The following PIEZO2 variants were observed in gnomAD, a reference collection of about 807,000 sequenced individuals.
The protein encoded by PIEZO2 is piezo-type mechanosensitive ion channel component 2.
A neutral mutation model predicts 337.3 loss-of-function variants in PIEZO2; 172 were observed. That is an observed-to-expected ratio of 0.51 (90% confidence interval 0.45 to 0.58). The LOEUF is 0.58. PIEZO2 is among the 20% of genes least tolerant of loss of function. The pLI is 0.00. For synonymous variants in PIEZO2, 1,251 were observed against 1,228.5 expected, an observed-to-expected ratio of 1.02 and a Z score of -0.38; for missense variants, 3,028 against 3,391.3, an observed-to-expected ratio of 0.89 and a Z score of 2.66.
rs1000590616 is a variant in PIEZO2 at position 11,069,733 on chromosome 18, C to A, written c.65-3511G>T. Among the ~76,000 whole-genome samples the A allele has an allele frequency of 6.6e-6, 1 of 152,122 alleles. No homozygotes were observed. Among genetic ancestry groups the A allele is most frequent in the African/African-American group, 2.4e-5 (1 of 41,442 alleles). Reference sequence around the variant, plus strand: ...CAAAATTGGAAAGGAAGAGGCAAAGCAAATTTGTGTTTGCAGATGACATGA... The same window carrying A: ...CAAAATTGGAAAGGAAGAGGCAAAGAAAATTTGTGTTTGCAGATGACATGA... On this transcript the variant is annotated intron_variant, in intron 1 of 55. Transcript: ENST00000674853. This position sits in a 1 kb window ranked among gnomAD's most constrained non-coding sequence, Gnocchi z 4.9.
chr18:11,083,359 G>A lies in PIEZO2; in HGVS notation c.65-17137C>T, dbSNP rs920646975. On this transcript the variant is annotated intron_variant, in intron 1 of 55. Coordinates refer to ENST00000674853, the MANE Select transcript of PIEZO2 (RefSeq NM_001378183.1). The surrounding 1 kb of genome is among the most constrained non-coding windows in gnomAD (Gnocchi z 4.4). Reference sequence around the variant, plus strand: ...CAGGATCAGAATTTCTCTCAGAAGAGGAACTATATTTGTTTGGATGTTTTC... The same window carrying A: ...CAGGATCAGAATTTCTCTCAGAAGAAGAACTATATTTGTTTGGATGTTTTC... Among the ~76,000 whole-genome samples the A allele has an allele frequency of 5.3e-5, 8 of 152,236 alleles. No individual in the cohort carries two copies. The highest frequency in any genetic ancestry group is 2.6e-4 in the Admixed American group (4 of 15,288).
chr18:11,119,693 C>T (rs562240348), intron 1 of PIEZO2, among the ~76,000 whole-genome samples: 15 of 152,306 alleles, frequency 9.8e-5, no homozygotes, highest in African/African-American at 3.6e-4. Flanking sequence ...CTCCATGAAG[C>T]TGAGTGTAGC....
In PIEZO2 at chr18:11,134,895, A is replaced by C. The variant is rs541351733; in HGVS notation, c.64+13630T>G. On this transcript the variant is annotated intron_variant, in intron 1 of 55. Transcript: ENST00000674853. Reference sequence around the variant, plus strand: ...AGAACAAAGCATGATTTGGTGAAGAATGGAGAATCAAAAATCAGTGCCCAA... The same window carrying C: ...AGAACAAAGCATGATTTGGTGAAGACTGGAGAATCAAAAATCAGTGCCCAA... Among the ~76,000 whole-genome samples the C allele has an allele frequency of 2.0e-5, 3 of 152,342 alleles. No individual in the cohort carries two copies. In the East Asian group the frequency reaches 5.8e-4, roughly 29 times the overall value.
chr18:10,886,090 AACAC>A (rs373741484), intron 4 of PIEZO2, among the ~76,000 whole-genome samples: 1 of 150,574 alleles, frequency 6.6e-6, no homozygotes, highest in African/African-American at 2.4e-5. Flanking sequence ...CAAAATCACT[AACAC>A]ACACACACAC....
At chr18:10,728,971 AAAAC>A (rs1440893465) in intron 36 of PIEZO2, among the ~76,000 whole-genome samples, 2 of 148,292 alleles carry the variant, frequency 1.3e-5, no homozygotes, top group African/African-American at 5.0e-5. Context: ...AAAAAAAAAA[AAAAC>A]AAAAACCAAT....
intron 33 of PIEZO2, chr18:10,740,372 C>T (rs1283644702): frequency 6.6e-6 from 1 of 152,328 alleles, no homozygotes; most frequent in Non-Finnish European, 1.5e-5. Flanking sequence ...CTCTGAGCAT[C>T]AGGTGGCTTG....
At chr18:10,801,573 A>G in intron 9 of PIEZO2, 145 bp from the exon 10 acceptor site, 1 of 710,182 alleles carries the variant, frequency 1.4e-6, no homozygotes, top group Non-Finnish European at 2.3e-6. Flanking sequence ...TGCAAAATAT[A>G]AAAGGACAAA....
At position 10,876,268 on chromosome 18, in the gene PIEZO2, G is replaced by A. The variant is rs532887232; in HGVS notation, c.330-4853C>T. Among the ~76,000 whole-genome samples, 111 of 152,316 alleles carry A rather than the reference G, an allele frequency of 7.3e-4. 1 individual carries two copies. The highest frequency in any genetic ancestry group is 2.5e-3 in the African/African-American group (106 of 41,570). ...CCAGTCAATGTGAGAAACTCACAAT[G>A]CATACTATTATACTAAAAGACTTGA... On this transcript the variant is annotated intron_variant, in intron 4 of 55. Transcript: ENST00000674853.
intron 36 of PIEZO2, among the ~76,000 whole-genome samples, chr18:10,729,008 G>A (rs560613205): frequency 6.6e-5 from 10 of 150,666 alleles, no homozygotes; most frequent in Admixed American, 5.3e-4. Context: ...CTGCATACGT[G>A]TGTGCACATG....
chr18:10,792,412 AG>A (rs1568063089), intron 13 of PIEZO2, among the ~76,000 whole-genome samples: 2 of 152,232 alleles, frequency 1.3e-5, no homozygotes. Flanking sequence ...CTGTGTAAGA[AG>A]CCCCACGACA....
intron 41 of PIEZO2, 93 bp from the exon 42 acceptor site, chr18:10,704,745 C>G (rs1329738651): frequency 2.1e-6 from 3 of 1,418,680 alleles, no homozygotes; most frequent in Non-Finnish European, 2.8e-6. Flanking sequence ...AGTGCAATGG[C>G]GTGATCTTGG....
rs1427404210 is a variant in PIEZO2 at position 11,027,642 on chromosome 18, C to T, written c.160+38485G>A. On this transcript the variant is annotated intron_variant, in intron 2 of 55. Transcript: ENST00000674853. This position sits in a 1 kb window ranked among gnomAD's most constrained non-coding sequence, Gnocchi z 4.2. ...TGTCTTAGGTAACTGGGTTGATGAACAAATGGGAGTTCGGTGGGGTTTAAG... is the reference window on the plus strand; with the variant it reads ...TGTCTTAGGTAACTGGGTTGATGAATAAATGGGAGTTCGGTGGGGTTTAAG... 6.6e-6 allele frequency among the ~76,000 whole-genome samples: 1 copy of T among 152,132 alleles called. No individual in the cohort carries two copies. Among genetic ancestry groups the T allele is most frequent in the Non-Finnish European group, 1.5e-5 (1 of 68,022 alleles).
rs535138795 is a variant in PIEZO2 at position 11,105,790 on chromosome 18, A to C, written c.65-39568T>G. 6.6e-5 allele frequency among the ~76,000 whole-genome samples: 10 copies of C among 152,244 alleles called. No individual in the cohort carries two copies. The East Asian group carries it at 7.8e-4, about 12-fold the overall frequency. ...AAGTTATATTATAAAAGATAAGCAA[A>C]ATTACGTTGGACAACAACCAGCAGC... is the stretch of plus-strand genomic sequence containing the variant. On this transcript the variant is annotated intron_variant, in intron 1 of 55. Coordinates refer to ENST00000674853, the MANE Select transcript of PIEZO2 (RefSeq NM_001378183.1). The surrounding 1 kb of genome is among the most constrained non-coding windows in gnomAD (Gnocchi z 4.3).
rs994377804 is a variant in PIEZO2, at chr18:10,767,056, C to G, written c.2946+3092G>C. Reference sequence around the variant, plus strand: ...TTCCTTCTCCAATTGGCCAGGCCCCCCAGGGAGGAGCTGAGGTGCTAACAG... The same window carrying G: ...TTCCTTCTCCAATTGGCCAGGCCCCGCAGGGAGGAGCTGAGGTGCTAACAG... On this transcript the variant is annotated intron_variant, in intron 21 of 55. Transcript: ENST00000674853. The surrounding 1 kb of genome is among the most constrained non-coding windows in gnomAD (Gnocchi z 4.2). Among the ~76,000 whole-genome samples, 6 of 150,654 alleles carry G rather than the reference C, an allele frequency of 4.0e-5. No homozygotes were observed. Among genetic ancestry groups the G allele is most frequent in the African/African-American group, 1.5e-4 (6 of 40,748 alleles).
At chr18:10,776,405 T>G (rs73384334) in intron 18 of PIEZO2, among the ~76,000 whole-genome samples, 17 of 152,232 alleles carry the variant, frequency 1.1e-4, no homozygotes, top group Non-Finnish European at 2.4e-4. Context: ...ATATTATGGT[T>G]TGATAATCTG....
intron 3 of PIEZO2, among the ~76,000 whole-genome samples, chr18:10,923,903 C>T (rs117352738): frequency 1.3e-5 from 2 of 152,292 alleles, no homozygotes; most frequent in East Asian, 3.9e-4. Context: ...ATGAGTCAGT[C>T]AAGGCATCTC....
chr18:10,724,514 G>T lies in PIEZO2; in HGVS notation c.5030-6255C>A. Reference sequence around the variant, plus strand: ...GGAGTACAGGGCCTGCTGGTCCTCTGGTCACACCCACTCATGCTGGTCTCC... The same window carrying T: ...GGAGTACAGGGCCTGCTGGTCCTCTTGTCACACCCACTCATGCTGGTCTCC... On this transcript the variant is annotated intron_variant, in intron 36 of 55. Coordinates refer to ENST00000674853, the MANE Select transcript of PIEZO2 (RefSeq NM_001378183.1). This position sits in a 1 kb window ranked among gnomAD's most constrained non-coding sequence, Gnocchi z 5.8. 1 of 460,124 alleles carries T rather than the reference G, an allele frequency of 2.2e-6. No individual in the cohort carries two copies. The highest frequency in any genetic ancestry group is 3.8e-6 in the Non-Finnish European group (1 of 260,730). The allele number at this position is 460,124 out of a possible 1,614,324, so 28.5% of individuals were successfully genotyped here. A position where few individuals can be genotyped will look rare whatever the true frequency, so the allele number is the denominator to read the frequency against.
chr18:10,805,740 AAAAG>A, intron 8 of PIEZO2, among the ~76,000 whole-genome samples: 1 of 152,336 alleles, frequency 6.6e-6, no homozygotes, highest in South Asian at 2.1e-4. Context: ...TCAGTGGCCT[AAAAG>A]AAAGATGATC....
intron 21 of PIEZO2, chr18:10,769,928 T>A: frequency 2.1e-6 from 1 of 482,602 alleles, no homozygotes; most frequent in Non-Finnish European, 3.6e-6. Context: ...GTAGCCTTTG[T>A]AATATGACCA....
Sources: gnomAD v4.1 joint callset for allele counts (sites outside exome capture counted in the v4.1 genomes callset) on GRCh38, gnomAD v4.1.1 for gene constraint, Gnocchi (gnomAD v3.1) non-coding constraint, MANE v1.5 for transcripts, NCBI Gene and HGNC (gene_info 2026-07-23, HGNC 2026-07-21) for gene names.